MACROD2: variants seen among roughly 807,000 people sequenced by gnomAD.
The protein encoded by MACROD2 is ADP-ribose glycohydrolase MACROD2.
Under a neutral mutation model 70.4 loss-of-function variants are expected in MACROD2, and 36 were observed. The observed-to-expected ratio is 0.51, with a 90% CI of 0.39 to 0.68. The LOEUF (loss-of-function observed/expected upper bound fraction) is 0.68. MACROD2 is among the 30% of genes least tolerant of loss of function. MACROD2 has a pLI of 0.00. For missense variants in MACROD2, 496 were observed against 538.4 expected (o/e 0.92, Z 0.78); for synonymous variants, 172 against 178.8 (o/e 0.96, Z 0.30).
chr20:15,057,055 A>G (rs375958381), intron 5 of MACROD2, among the ~76,000 whole-genome samples: 1 of 152,330 alleles, frequency 6.6e-6, no homozygotes, highest in East Asian at 1.9e-4. Flanking sequence ...TGAGGATGGG[A>G]TATATGAGTC....
At chr20:14,364,102 T>C (rs1222051283) in intron 3 of MACROD2, among the ~76,000 whole-genome samples, 1 of 152,308 alleles carries the variant, frequency 6.6e-6, no homozygotes, top group East Asian at 1.9e-4. Context: ...TTTAGAATTC[T>C]TGATAATGGT....
intron 5 of MACROD2, among the ~76,000 whole-genome samples, chr20:14,719,347 C>T (rs2071436036): frequency 6.6e-6 from 1 of 151,756 alleles, no homozygotes; most frequent in African/African-American, 2.4e-5. Flanking sequence ...ATTTCAGTAC[C>T]TATTTTATTT....
chr20:15,344,779 C>T (rs1354911652), intron 6 of MACROD2, among the ~76,000 whole-genome samples: 2 of 152,120 alleles, frequency 1.3e-5, no homozygotes, highest in East Asian at 3.9e-4. Context: ...GATAAGTAGC[C>T]ATAGAAAAAG....
At chr20:15,193,321 G>C (rs1412745860) in intron 5 of MACROD2, among the ~76,000 whole-genome samples, 1 of 152,064 alleles carries the variant, frequency 6.6e-6, no homozygotes, top group Non-Finnish European at 1.5e-5. Context: ...CTTTCTGCTT[G>C]AACTGTAGTA....
At chr20:15,160,151 G>A (rs1258765481) in intron 5 of MACROD2, among the ~76,000 whole-genome samples, 1 of 151,980 alleles carries the variant, frequency 6.6e-6, no homozygotes, top group Non-Finnish European at 1.5e-5. Context: ...TGGCCAGGGT[G>A]TGTTGAAGGT....
chr20:14,545,074 G>A (rs1195040744), intron 4 of MACROD2, among the ~76,000 whole-genome samples: 1 of 152,100 alleles, frequency 6.6e-6, no homozygotes, highest in Non-Finnish European at 1.5e-5. Context: ...GATGAAGATG[G>A]GAACACTATA....
intron 3 of MACROD2, among the ~76,000 whole-genome samples, chr20:14,254,760 T>C (rs2082039377): frequency 6.6e-6 from 1 of 152,140 alleles, no homozygotes; most frequent in African/African-American, 2.4e-5. Context: ...TTAATATTGT[T>C]ATGTGTGAAT....
intron 6 of MACROD2, among the ~76,000 whole-genome samples, chr20:15,379,964 C>T (rs1022418702): frequency 6.6e-6 from 1 of 152,168 alleles, no homozygotes; most frequent in African/African-American, 2.4e-5. Flanking sequence ...CCAGGATTCA[C>T]CATACTCAAA....
intron 12 of MACROD2, among the ~76,000 whole-genome samples, chr20:15,940,254 C>T (rs2065732161): frequency 1.3e-5 from 1 of 74,540 alleles, no homozygotes; most frequent in South Asian, 8.1e-4. Flanking sequence ...CCACACCTGG[C>T]TCTTCTTTTT....
chr20:14,888,601 AT>A, intron 5 of MACROD2: 1 of 152,306 alleles, frequency 6.6e-6, no homozygotes, highest in Middle Eastern at 3.4e-3. Flanking sequence ...AATAAAATTA[AT>A]TTTAAGCACA....
At position 15,471,047 on chromosome 20, in the gene MACROD2, G is replaced by C. The variant is rs554830921; in HGVS notation, c.572-28727G>C. On this transcript the variant is annotated intron_variant, in intron 7 of 17. Transcript: ENST00000684519. ...CCTATGGTTGATTATATCAACAATG[G>C]TCTTGTATGTGCCCCTTTCTCCTCT... 3.3e-5 allele frequency among the ~76,000 whole-genome samples: 5 copies of C among 152,284 alleles called. No homozygotes were observed. In the South Asian group the frequency reaches 8.3e-4, roughly 25 times the overall value.
intron 6 of MACROD2, among the ~76,000 whole-genome samples, chr20:15,242,713 T>A (rs175309): frequency 0.28 from 42,736 of 152,054 alleles, 6,228 homozygotes; most frequent in African/African-American, 0.34. Flanking sequence ...GTAGTATATT[T>A]TTAAAAATGT....
chr20:15,777,555 TTCCTTCCTTCCTTCCTTCC>T (rs2051748645), intron 8 of MACROD2, among the ~76,000 whole-genome samples: 1 of 96,876 alleles, frequency 1.0e-5, no homozygotes, highest in Admixed American at 1.0e-4. Context: ...CCTTCCTTCC[TTCCTTCCTTCCTTCCTTCC>T]TTCTTTCCTT....
chr20:15,710,338 G>A (rs2050608600), intron 8 of MACROD2, among the ~76,000 whole-genome samples: 1 of 151,962 alleles, frequency 6.6e-6, no homozygotes, highest in Non-Finnish European at 1.5e-5. Context: ...ATGGCTCTTT[G>A]ACTTCCTAAA....
intron 4 of MACROD2, among the ~76,000 whole-genome samples, chr20:14,522,185 G>A (rs1480017576): frequency 6.6e-6 from 1 of 151,978 alleles, no homozygotes; most frequent in Non-Finnish European, 1.5e-5. Context: ...GAAAACGATT[G>A]GGTTAAAAAA....
At chr20:14,276,370 T>A (rs369462092) in intron 3 of MACROD2, among the ~76,000 whole-genome samples, 1 of 145,858 alleles carries the variant, frequency 6.9e-6, no homozygotes, top group Admixed American at 6.9e-5. Context: ...AGTAAACTAT[T>A]GCAAGGACAA....
intron 8 of MACROD2, among the ~76,000 whole-genome samples, chr20:15,722,186 A>G (rs549867524): frequency 1.3e-5 from 2 of 152,228 alleles, no homozygotes; most frequent in East Asian, 1.9e-4. Flanking sequence ...TTAACTGGTA[A>G]TGGGGCTATG....
rs972750447 is a variant in MACROD2 at position 14,272,999 on chromosome 20, C to T, written c.271+187271C>T. 3.0e-4 allele frequency among the ~76,000 whole-genome samples: 46 copies of T among 151,544 alleles called. No homozygotes were observed. The South Asian group carries it at 9.2e-3, about 30-fold the overall frequency. ...GAGCACCCAGATTCATAAAGCAAGT[C>T]CTGAGTGACCTACAAAGAGACTTAG... On this transcript the variant is annotated intron_variant, in intron 3 of 17. Transcript: ENST00000684519.
At chr20:14,559,164 C>T (rs1455714948) in intron 4 of MACROD2, among the ~76,000 whole-genome samples, 1 of 151,734 alleles carries the variant, frequency 6.6e-6, no homozygotes, top group Non-Finnish European at 1.5e-5. Flanking sequence ...TAGCAATAAA[C>T]TACCTGTTAG....
Sources: gnomAD v4.1 joint callset for allele counts (sites outside exome capture counted in the v4.1 genomes callset) on GRCh38, gnomAD v4.1.1 for gene constraint, MANE v1.5 for transcripts, NCBI Gene and HGNC (gene_info 2026-07-23, HGNC 2026-07-21) for gene names.